The following KANK4 variants were observed in gnomAD, a reference collection of about 807,000 sequenced individuals.
KANK4 encodes the protein KN motif and ankyrin repeat domain-containing protein 4.
A neutral mutation model predicts 80.8 loss-of-function variants in KANK4; 50 were observed. The observed-to-expected ratio is 0.62, with a 90% CI of 0.49 to 0.78. The LOEUF is 0.78. Among genes scored for constraint, KANK4 ranks in the 30% least tolerant of loss-of-function variants. The probability of loss-of-function intolerance (pLI) is 0.00; values close to 1 mark genes in which losing one functional copy is unlikely to be tolerated. For missense variants in KANK4, 1,196 were observed against 1,240.1 expected (o/e 0.96, Z 0.53); for synonymous variants, 465 against 506.9 (o/e 0.92, Z 1.11).
chr1:62,291,857 T>C (rs1672686212), intron 1 of KANK4, among the ~76,000 whole-genome samples: 1 of 152,232 alleles, frequency 6.6e-6, no homozygotes, highest in African/African-American at 2.4e-5. Flanking sequence ...TCCACCCACC[T>C]TGGCCTCCCA....
At chr1:62,307,205 C>T (rs928380766) in intron 1 of KANK4, among the ~76,000 whole-genome samples, 3 of 151,940 alleles carry the variant, frequency 2.0e-5, no homozygotes, top group Non-Finnish European at 4.4e-5. Flanking sequence ...CTGAGGAGTC[C>T]GGTGCGGTGG....
intron 1 of KANK4, among the ~76,000 whole-genome samples, chr1:62,286,404 A>G (rs1335936320): frequency 6.6e-6 from 1 of 152,212 alleles, no homozygotes; most frequent in Admixed American, 6.5e-5. Flanking sequence ...GCTCCCGGGA[A>G]TAGGTGAGTG....
Position 62,238,143 on chromosome 1 carries a change from G to C in KANK4, c.*134C>G. 1.6e-6 allele frequency: 1 copy of C among 616,890 alleles called. No homozygotes were observed. The highest frequency in any genetic ancestry group is 2.9e-6 in the Non-Finnish European group (1 of 345,116). The allele number at this position is 616,890 out of a possible 1,614,324, so 38.2% of individuals were successfully genotyped here. ...ATGAGCAGAATTATACAACAGGAAT[G>C]TATGTGCATATTTGACATAGTTTCT... is the stretch of plus-strand genomic sequence containing the variant. On this transcript the variant is annotated 3_prime_UTR_variant, in exon 10 of 10. Transcript: ENST00000371153.
intron 1 of KANK4, among the ~76,000 whole-genome samples, chr1:62,304,098 C>T (rs1050080518): frequency 6.6e-6 from 1 of 152,022 alleles, no homozygotes; most frequent in African/African-American, 2.4e-5. Context: ...TGGTCTTGAA[C>T]TCCTGACCTC....
At chr1:62,315,916 T>A (rs1313375230) in intron 1 of KANK4, among the ~76,000 whole-genome samples, 1 of 152,206 alleles carries the variant, frequency 6.6e-6, no homozygotes, top group Non-Finnish European at 1.5e-5. Context: ...TGGCCCTGTC[T>A]TGTAAACTGG....
intron 8 of KANK4, among the ~76,000 whole-genome samples, chr1:62,251,239 G>A (rs907104106): frequency 1.3e-5 from 2 of 152,134 alleles, no homozygotes; most frequent in African/African-American, 4.8e-5. Context: ...TGGGAGCTGG[G>A]ATTTGGGCAA....
intron 9 of KANK4, among the ~76,000 whole-genome samples, chr1:62,243,500 G>A (rs1443399096): frequency 6.6e-6 from 1 of 151,990 alleles, no homozygotes; most frequent in Non-Finnish European, 1.5e-5. Context: ...CACCATGCCT[G>A]GCTAATTTTT....
chr1:62,276,282 C>T (rs1233361495), intron 2 of KANK4, among the ~76,000 whole-genome samples: 2 of 152,144 alleles, frequency 1.3e-5, no homozygotes, highest in East Asian at 3.9e-4. Context: ...TGTGACGCCC[C>T]TAATTACCTC....
rs765691763 is a variant in KANK4, at chr1:62,273,929, G to A, written c.1175C>T (p.Ala392Val). The change falls in exon 3 of 10, where the codon GCC becomes GTC. Residue 392 changes from alanine to valine, a missense_variant. Ala to Val is a moderately conservative substitution (Grantham distance 64). Around this residue, in one of 3 missense-constraint regions of KANK4, gnomAD observed 1,154 missense variants for 1,179.6 expected, o/e 0.98. Transcript: ENST00000371153. ...TTGGTGAAACTGTCCTTCCAGTTGG[G>A]CTACAGTGAACTCCAGCTCTCGAAT... ...QRIRELEFTV[A>V]QLEGQFHQEN... 6 of 1,614,058 alleles carry A rather than the reference G, an allele frequency of 3.7e-6. No homozygotes were observed. In the African/African-American group the frequency reaches 8.0e-5, roughly 22 times the overall value.
chr1:62,305,508 GCC>G (rs916616426), intron 1 of KANK4, among the ~76,000 whole-genome samples: 1 of 151,998 alleles, frequency 6.6e-6, no homozygotes, highest in Non-Finnish European at 1.5e-5. Context: ...ATGGGGTTTT[GCC>G]ATGTTGGCCA....
At position 62,271,516 on chromosome 1, in the gene KANK4, C is replaced by A. The variant is rs751598846; in HGVS notation, c.1974G>T (p.Gly658=). 30 of 1,613,928 alleles carry A rather than the reference C, an allele frequency of 1.9e-5. 1 individual carries two copies. Among genetic ancestry groups the A allele is most frequent in the Non-Finnish European group, 2.5e-5 (29 of 1,179,934 alleles). The change falls in exon 4 of 10, where the codon GGG becomes GGT. Residue 658 remains glycine (G), a synonymous_variant. Coordinates refer to ENST00000371153, the MANE Select transcript of KANK4 (RefSeq NM_181712.5). ...CAACAAACTGAAGGTTCTTTTTGGTCCCATTACCTCCTGCACGGAAGCCAT... is the reference window on the plus strand; with the variant it reads ...CAACAAACTGAAGGTTCTTTTTGGTACCATTACCTCCTGCACGGAAGCCAT... ...KDYGFRAGGN[G]TKKNLQFVGV...
chr1:62,271,357 A>G (rs1672157084), intron 4 of KANK4, 121 bp downstream of exon 4: 1 of 730,756 alleles, frequency 1.4e-6, no homozygotes, highest in Non-Finnish European at 2.4e-6. Flanking sequence ...AGGGCCATTG[A>G]AATTAATTCC....
At chr1:62,295,117 TTA>T (rs1644350016) in intron 1 of KANK4, among the ~76,000 whole-genome samples, 1 of 151,998 alleles carries the variant, frequency 6.6e-6, no homozygotes, top group African/African-American at 2.4e-5. Flanking sequence ...AGGCAGACTT[TTA>T]TTAGTGACTC....
At position 62,273,969 on chromosome 1, in the gene KANK4, C is replaced by G; in HGVS notation, c.1135G>C (p.Ala379Pro). The G allele has an allele frequency of 1.2e-6, 2 of 1,614,220 alleles. No individual in the cohort carries two copies. Among genetic ancestry groups the G allele is most frequent in the South Asian group, 2.2e-5 (2 of 91,082 alleles). ...AGCTCTCGAATTCTTTGCTCCCTAG[C>G]TTTGATTTCCTCTTCCTGCTGCTGG... is the stretch of plus-strand genomic sequence containing the variant. ...ALQQQEEEIKAREQRIRELEF... is the reference protein window; with the variant it reads ...ALQQQEEEIKPREQRIRELEF... The change falls in exon 3 of 10, where the codon GCT becomes CCT. Residue 379 changes from alanine to proline, a missense_variant. This residue lies in a region of KANK4 where 1,154 missense variants were observed against 1,179.6 expected (regional missense o/e 0.98). Transcript: ENST00000371153.
Position 62,236,225 on chromosome 1 carries a change from G to A in KANK4, c.*2052C>T, listed in dbSNP as rs1335594586. On this transcript the variant is annotated 3_prime_UTR_variant, in exon 10 of 10. Transcript: ENST00000371153. ...ATAGGCCAGAGGCTTGCTACTCAAAGTGTGGTTGTGGCTCGATAGCATCAG... is the reference window on the plus strand; with the variant it reads ...ATAGGCCAGAGGCTTGCTACTCAAAATGTGGTTGTGGCTCGATAGCATCAG... Among the ~76,000 whole-genome samples, 1 of 152,190 alleles carries A rather than the reference G, an allele frequency of 6.6e-6. No homozygotes were observed. The highest frequency in any genetic ancestry group is 2.4e-5 in the African/African-American group (1 of 41,454).
intron 1 of KANK4, among the ~76,000 whole-genome samples, chr1:62,300,320 A>T (rs560276749): frequency 6.6e-6 from 1 of 152,146 alleles, no homozygotes; most frequent in African/African-American, 2.4e-5. Context: ...TCCATTTATC[A>T]GAAATTCTTC....
chr1:62,305,451 G>A (rs1644443733), intron 1 of KANK4, among the ~76,000 whole-genome samples: 1 of 152,148 alleles, frequency 6.6e-6, no homozygotes. Flanking sequence ...TGGGATTACA[G>A]GCGCCTGCCA....
intron 7 of KANK4, among the ~76,000 whole-genome samples, chr1:62,262,763 C>T (rs1423121236): frequency 2.0e-5 from 3 of 152,016 alleles, no homozygotes; most frequent in Admixed American, 6.6e-5. Context: ...AACTCAAGAA[C>T]GGAAAACCAA....
intron 7 of KANK4, among the ~76,000 whole-genome samples, chr1:62,259,568 C>T (rs546463134): frequency 6.5e-4 from 99 of 152,194 alleles, no homozygotes; most frequent in African/African-American, 1.8e-3. Flanking sequence ...TGAGCCACCG[C>T]GCCTGGACCA....
Sources: gnomAD v4.1 joint callset for allele counts (sites outside exome capture counted in the v4.1 genomes callset) on GRCh38, gnomAD v4.1.1 for gene constraint, gnomAD v4.1.1 regional missense constraint, MANE v1.5 for transcripts, NCBI Gene and HGNC (gene_info 2026-07-23, HGNC 2026-07-21) for gene names.